Variants in PLCZ1 observed in about 807,000 individuals in gnomAD.
The protein encoded by PLCZ1 is 1-phosphatidylinositol 4,5-bisphosphate phosphodiesterase zeta-1.
A neutral mutation model predicts 76.8 loss-of-function variants in PLCZ1; 64 were observed. The observed-to-expected ratio is 0.83, with a 90% CI of 0.68 to 1.03. PLCZ1 has a LOEUF of 1.03. Ranked by LOEUF, PLCZ1 falls within the 50% of genes least tolerant of loss-of-function variation. PLCZ1 has a pLI of 0.00. For synonymous variants in PLCZ1, 248 were observed against 230.8 expected, an observed-to-expected ratio of 1.07 and a Z score of -0.68; for missense variants, 751 against 713.7, an observed-to-expected ratio of 1.05 and a Z score of -0.60.
At chr12:18,705,498 A>G (rs1956485309) in intron 6 of PLCZ1, among the ~76,000 whole-genome samples, 183 bp from the exon 7 acceptor site, 2 of 152,214 alleles carry the variant, frequency 1.3e-5, no homozygotes, top group African/African-American at 4.8e-5. Flanking sequence ...AAATCTGCAT[A>G]AAAAGAAATG....
rs1952710932 is a variant in PLCZ1, at chr12:18,683,995, AAT to A, written c.1741+133_1741+134del. The A allele has an allele frequency of 1.1e-5, 12 of 1,085,172 alleles. No individual in the cohort carries two copies. In the South Asian group the frequency reaches 1.7e-4, roughly 16 times the overall value. 67.2% of individuals were successfully genotyped at this position (1,085,172 alleles called of 1,614,324 possible). On this transcript the variant is annotated intron_variant, in intron 14 of 14. Transcript: ENST00000266505. ...CATTTTTATAATTCCACAGAGAAAA[AAT>A]ATGTGTCAATACATAAAATTTCCTT...
At chr12:18,666,528 C>G in the PLCZ1 span, among the ~76,000 whole-genome samples, 6 of 151,928 alleles carry the variant, frequency 3.9e-5, no homozygotes, top group Admixed American at 6.6e-5. Flanking sequence ...GAAGATAAAA[C>G]AATTATAAAT....
At chr12:18,648,000 G>A in the PLCZ1 span, 1 of 1,597,602 alleles carries the variant, frequency 6.3e-7, no homozygotes, top group Non-Finnish European at 8.5e-7. Flanking sequence ...AAAGAAAAAT[G>A]GTATCCATTA....
chr12:18,655,730 C>T, the PLCZ1 span, among the ~76,000 whole-genome samples: 3 of 136,496 alleles, frequency 2.2e-5, no homozygotes, highest in Non-Finnish European at 4.7e-5. Context: ...CCCAAAAACT[C>T]ACAGCCCCAA....
At chr12:18,725,724 C>G (rs767246870) in intron 3 of PLCZ1, among the ~76,000 whole-genome samples, 13 of 152,146 alleles carry the variant, frequency 8.5e-5, no homozygotes, top group Admixed American at 2.6e-4. Context: ...GAATTAGTTG[C>G]AGTACAGGTA....
At chr12:18,688,016 T>C in intron 13 of PLCZ1, 73 bp downstream of exon 13, 1 of 1,572,836 alleles carries the variant, frequency 6.4e-7, no homozygotes, top group East Asian at 2.3e-5. Context: ...ACAAAAACTC[T>C]ATCAACATAT....
At chr12:18,698,858 A>C (rs1029308040) in intron 10 of PLCZ1, among the ~76,000 whole-genome samples, 1 of 152,120 alleles carries the variant, frequency 6.6e-6, no homozygotes, top group South Asian at 2.1e-4. Context: ...GCACTATCAA[A>C]TACTATGTCT....
At chr12:18,691,346 G>A (rs944694742) in intron 12 of PLCZ1, among the ~76,000 whole-genome samples, 8 of 152,076 alleles carry the variant, frequency 5.3e-5, no homozygotes, top group African/African-American at 1.9e-4. Context: ...GATTAAGGAG[G>A]TAAGGATGCT....
intron 9 of PLCZ1, among the ~76,000 whole-genome samples, chr12:18,700,723 C>A (rs1476669174): frequency 6.6e-6 from 1 of 152,048 alleles, no homozygotes; most frequent in African/African-American, 2.4e-5. Context: ...ATCCCTTTCA[C>A]TGAACTTTTC....
At chr12:18,713,388 G>A (rs1484266907) in intron 5 of PLCZ1, among the ~76,000 whole-genome samples, 1 of 152,062 alleles carries the variant, frequency 6.6e-6, no homozygotes, top group African/African-American at 2.4e-5. Flanking sequence ...AATGTTCAAA[G>A]CCCTCTCAGA....
intron 3 of PLCZ1, among the ~76,000 whole-genome samples, chr12:18,724,232 C>G (rs1958617564): frequency 2.0e-5 from 3 of 151,934 alleles, no homozygotes; most frequent in African/African-American, 7.2e-5. Context: ...AGATGAAATT[C>G]AAGTGGGAGG....
chr12:18,705,927 C>G (rs1242050762), intron 6 of PLCZ1, among the ~76,000 whole-genome samples: 1 of 147,070 alleles, frequency 6.8e-6, no homozygotes, highest in African/African-American at 2.5e-5. Context: ...ATGATATAGA[C>G]CAATTAAGAA....
chr12:18,714,000 T>C (rs1957648943), intron 5 of PLCZ1, among the ~76,000 whole-genome samples: 1 of 152,170 alleles, frequency 6.6e-6, no homozygotes, highest in Admixed American at 6.5e-5. Context: ...TGGAAGCTGA[T>C]TGCATTCAGA....
At chr12:18,697,507 CATAAT>C (rs1335479921) in intron 10 of PLCZ1, among the ~76,000 whole-genome samples, 4 of 152,060 alleles carry the variant, frequency 2.6e-5, no homozygotes, top group Admixed American at 2.6e-4. Context: ...GGTCTCATAA[CATAAT>C]ATGATTTTGT....
chr12:18,680,477 G>A (rs1368256669), downstream of PLCZ1, among the ~76,000 whole-genome samples: 1 of 151,982 alleles, frequency 6.6e-6, no homozygotes, highest in Non-Finnish European at 1.5e-5. Context: ...CAACCAGCCT[G>A]TCATTTACCT....
At chr12:18,693,990 T>C (rs1293892491) in intron 12 of PLCZ1, 6 of 1,494,374 alleles carry the variant, frequency 4.0e-6, no homozygotes, top group Non-Finnish European at 5.6e-6. Context: ...GCTGGTCTGA[T>C]GGCCTTAAGA....
chr12:18,727,425 T>C (rs1429163755), intron 3 of PLCZ1, among the ~76,000 whole-genome samples: 1 of 152,136 alleles, frequency 6.6e-6, no homozygotes, highest in Non-Finnish European at 1.5e-5. Context: ...CAATTCTTCC[T>C]GGAGGGTCAA....
intron 12 of PLCZ1, among the ~76,000 whole-genome samples, chr12:18,690,997 G>C (rs893708691): frequency 1.3e-5 from 2 of 152,122 alleles, no homozygotes; most frequent in African/African-American, 4.8e-5. Flanking sequence ...AACTTGTGGA[G>C]AATAGATATG....
rs747838079 is a variant in PLCZ1, at chr12:18,734,343, T to TTTG, written c.135+1875_135+1877dup. Among the ~76,000 whole-genome samples the TTTG allele has an allele frequency of 3.0e-3, 454 of 151,960 alleles. 1 individual carries two copies. Among genetic ancestry groups the TTTG allele is most frequent in the African/African-American group, 8.5e-3 (351 of 41,474 alleles). On this transcript the variant is annotated intron_variant, in intron 3 of 14. Transcript: ENST00000266505. ...GAATTTAATAGTTCTAGTAGTTGTT[T>TTTG]TTGTTGTTGTTGTTGTTGTTGTTGT...
Sources: allele counts gnomAD v4.1 joint callset (sites outside exome capture counted in the v4.1 genomes callset), GRCh38; gene constraint gnomAD v4.1.1; transcripts MANE v1.5; gene names NCBI Gene and HGNC (gene_info 2026-07-23, HGNC 2026-07-21).